DYRK4: variants seen among roughly 807,000 people sequenced by gnomAD.
DYRK4 encodes the protein dual specificity tyrosine-phosphorylation-regulated kinase 4.
DYRK4 carries 64 observed loss-of-function variants against 68.3 expected under a neutral mutation model. The observed-to-expected ratio is 0.94, with a 90% CI of 0.77 to 1.15. The LOEUF is 1.15. DYRK4 is among the 50% of genes most tolerant of loss of function. The probability of loss-of-function intolerance (pLI) is 0.00; values close to 1 mark genes in which losing one functional copy is unlikely to be tolerated. For missense variants in DYRK4, 740 were observed against 764.7 expected, an observed-to-expected ratio of 0.97 and a Z score of 0.38; for synonymous variants, 274 against 289.9, an observed-to-expected ratio of 0.95 and a Z score of 0.56.
Position 4,588,636 on chromosome 12 carries a change from G to A in DYRK4, c.133-301G>A, listed in dbSNP as rs140006210. 3.6e-3 allele frequency among the ~76,000 whole-genome samples: 553 copies of A among 152,270 alleles called. 2 individuals are homozygous for A. Among genetic ancestry groups the A allele is most frequent in the African/African-American group, 0.012 (486 of 41,560 alleles). ...AGCAGCTCAGCTGTTACTCCTTACC[G>A]TAAGCAGGGTCTCTAGTTAAGATTT... On this transcript the variant is annotated intron_variant, in intron 2 of 14. Coordinates refer to ENST00000543431, the MANE Select transcript of DYRK4 (RefSeq NM_001394779.1).
intron 1 of DYRK4, among the ~76,000 whole-genome samples, chr12:4,563,968 T>G (rs1944653157): frequency 6.6e-6 from 1 of 152,208 alleles, no homozygotes; most frequent in Non-Finnish European, 1.5e-5. Flanking sequence ...CATAGAAATA[T>G]TCCAGCATAG....
At chr12:4,574,469 G>A (rs762994147) in intron 2 of DYRK4, among the ~76,000 whole-genome samples, 1 of 152,048 alleles carries the variant, frequency 6.6e-6, no homozygotes, top group African/African-American at 2.4e-5. Flanking sequence ...TGCTTTTTAT[G>A]CTCAGTGCGA....
chr12:4,603,775 C>T (rs1379993175), intron 10 of DYRK4, among the ~76,000 whole-genome samples: 1 of 152,192 alleles, frequency 6.6e-6, no homozygotes, highest in African/African-American at 2.4e-5. Context: ...GTATGTTTTC[C>T]CTTCTCAGAT....
chr12:4,563,396 G>A (rs565154522), intron 1 of DYRK4, among the ~76,000 whole-genome samples: 2 of 152,344 alleles, frequency 1.3e-5, no homozygotes, highest in South Asian at 4.1e-4. Flanking sequence ...AGAATGCATA[G>A]TCCTCAAGCG....
intron 14 of DYRK4, 120 bp downstream of exon 14, chr12:4,612,838 T>C: frequency 8.9e-7 from 1 of 1,122,568 alleles, no homozygotes. Flanking sequence ...AATTAAAATC[T>C]TTGTTTTTAA....
intron 1 of DYRK4, among the ~76,000 whole-genome samples, chr12:4,565,643 T>A (rs1200349040): frequency 6.8e-6 from 1 of 146,286 alleles, no homozygotes; most frequent in Admixed American, 6.8e-5. Flanking sequence ...TTTTTTTTTT[T>A]AAGATGGAGT....
At position 4,590,350 on chromosome 12, in the gene DYRK4, C is replaced by T. The variant is rs894763533; in HGVS notation, c.234C>T (p.Leu78=). The change falls in exon 4 of 15, where the codon CTC becomes CTT. Residue 78 remains leucine (L), a synonymous_variant. Transcript: ENST00000543431. ...TACAGAACACCAGTGTTACTTCACTCCCCTTTGTGGACACCAAGGGGAAGA... is the reference window on the plus strand; with the variant it reads ...TACAGAACACCAGTGTTACTTCACTTCCCTTTGTGGACACCAAGGGGAAGA... ...VFHKNTSVTS[L]PFVDTKGKKN... is the part of the protein sequence containing the mutation. The T allele has an allele frequency of 4.6e-5, 70 of 1,535,306 alleles. No homozygotes were observed. Among genetic ancestry groups the T allele is most frequent in the Middle Eastern group, 1.7e-4 (1 of 6,012 alleles).
rs1318280228 is a variant in DYRK4 at position 4,567,738 on chromosome 12, G to A, written c.39-217G>A. On this transcript the variant is annotated intron_variant, in intron 1 of 14. Coordinates refer to ENST00000543431, the MANE Select transcript of DYRK4 (RefSeq NM_001394779.1). ...TGGTTGTCTAAACTGCTAATCACCT[G>A]ATTATCTCTTCCTCCTTCCCTGGCT... 3.9e-5 allele frequency among the ~76,000 whole-genome samples: 6 copies of A among 152,168 alleles called. No individual in the cohort carries two copies. In the East Asian group the frequency reaches 1.2e-3, roughly 29 times the overall value.
rs765964908 is a variant in DYRK4 at position 4,599,090 on chromosome 12, G to A, written c.968G>A (p.Arg323Gln). Reference sequence around the variant, plus strand: ...CAAGGCTTCAGTCTGTCCATAGTTCGGCGCTTCACTCTCTCTGTTTTGAAG... The same window carrying A: ...CAAGGCTTCAGTCTGTCCATAGTTCAGCGCTTCACTCTCTCTGTTTTGAAG... ...NFQGFSLSIV[R>Q]RFTLSVLKCL... The change falls in exon 9 of 15, where the codon CGG becomes CAG. Residue 323 changes from arginine to glutamine, a missense_variant. By Grantham distance (43) the Arg-to-Gln change is conservative. Around this residue, in one of 3 missense-constraint regions of DYRK4, gnomAD observed 614 missense variants for 603.7 expected, o/e 1.02. Coordinates refer to ENST00000543431, the MANE Select transcript of DYRK4 (RefSeq NM_001394779.1). 8.1e-5 allele frequency: 131 copies of A among 1,613,786 alleles called. No individual in the cohort carries two copies. The South Asian group carries it at 1.3e-3, about 17-fold the overall frequency.
chr12:4,565,336 AT>A (rs908929287), intron 1 of DYRK4, among the ~76,000 whole-genome samples: 1 of 151,688 alleles, frequency 6.6e-6, no homozygotes. Flanking sequence ...GTCACAAGAG[AT>A]TTTTTTTTCA....
At chr12:4,573,385 T>G in intron 2 of DYRK4, 1 of 1,289,234 alleles carries the variant, frequency 7.8e-7, no homozygotes. Flanking sequence ...GTTCTGCGTG[T>G]TCATTGGTGC....
At position 4,599,027 on chromosome 12, in the gene DYRK4, G is replaced by A. The variant is rs1222658505; in HGVS notation, c.906-1G>A. The A allele has an allele frequency of 6.2e-7, 1 of 1,614,004 alleles. No individual in the cohort carries two copies. Among genetic ancestry groups the A allele is most frequent in the East Asian group, 2.2e-5 (1 of 44,874 alleles). On this transcript the variant is annotated splice_acceptor_variant, in intron 8 of 14. Coordinates refer to ENST00000543431, the MANE Select transcript of DYRK4 (RefSeq NM_001394779.1). LOFTEE classifies it high-confidence loss of function. The stretch of plus-strand genomic sequence containing the variant: ...TGCATCACTTTTCCCCTCTTTTCCA[G>A]AATCAACTTGTATGAGTTGATGAAG...
chr12:4,601,960 G>T (rs1440110627), intron 10 of DYRK4: 10 of 283,818 alleles, frequency 3.5e-5, no homozygotes, highest in Non-Finnish European at 6.0e-5. Context: ...AAAATGAATT[G>T]ATCATTTTCT....
chr12:4,574,224 TAAAAAAAAAAAAAA>T (rs58588899), intron 2 of DYRK4, among the ~76,000 whole-genome samples: 9 of 121,284 alleles, frequency 7.4e-5, no homozygotes, highest in Non-Finnish European at 1.3e-4. Flanking sequence ...GACTCCATCT[TAAAAAAAAAAAAAA>T]AAAAAAAAAG....
At chr12:4,594,645 G>A (rs1944995711) in intron 6 of DYRK4, among the ~76,000 whole-genome samples, 1 of 151,788 alleles carries the variant, frequency 6.6e-6, no homozygotes, top group South Asian at 2.1e-4. Flanking sequence ...CCCTAAGGGT[G>A]TCAGTACTAC....
intron 4 of DYRK4, 112 bp downstream of exon 4, chr12:4,590,552 G>A (rs1944942268): frequency 6.8e-7 from 1 of 1,468,144 alleles, no homozygotes; most frequent in Non-Finnish European, 8.9e-7. Context: ...AGCTGCTGAA[G>A]AGGTGGGTTC....
intron 2 of DYRK4, among the ~76,000 whole-genome samples, chr12:4,569,087 C>T (rs537918725): frequency 2.0e-5 from 3 of 152,246 alleles, no homozygotes; most frequent in African/African-American, 7.2e-5. Flanking sequence ...CTCTTCCAAG[C>T]GCTGTTCCTG....
intron 9 of DYRK4, 54 bp from the exon 10 acceptor site, chr12:4,599,653 G>C: frequency 7.2e-7 from 1 of 1,395,882 alleles, no homozygotes; most frequent in Non-Finnish European, 1.0e-6. Flanking sequence ...TAGGTAAGTA[G>C]AGGGCCTAGG....
At chr12:4,605,742 T>TTTG (rs1555124193) in intron 11 of DYRK4, among the ~76,000 whole-genome samples, 4 of 144,410 alleles carry the variant, frequency 2.8e-5, no homozygotes, top group African/African-American at 1.1e-4. Flanking sequence ...TTTTTTTTTT[T>TTTG]TTTTTTTTTT....
Sources: allele counts gnomAD v4.1 joint callset (sites outside exome capture counted in the v4.1 genomes callset), GRCh38; gene constraint gnomAD v4.1.1; regional missense constraint gnomAD v4.1.1; transcripts MANE v1.5; gene names NCBI Gene and HGNC (gene_info 2026-07-23, HGNC 2026-07-21).